The following AKAP7 variants were observed in gnomAD, a reference collection of about 807,000 sequenced individuals.
AKAP7 encodes the protein A kinase (PRKA) anchor protein 7.
Under a neutral mutation model 39.5 loss-of-function variants are expected in AKAP7, and 39 were observed. The ratio of observed to expected loss-of-function variants is 0.99; its 90% CI spans 0.76 to 1.29. The LOEUF (loss-of-function observed/expected upper bound fraction) is 1.29. Ranked by LOEUF, AKAP7 falls within the 50% of genes most tolerant of loss-of-function variation. The probability of loss-of-function intolerance (pLI) is 0.00; values close to 1 mark genes in which losing one functional copy is unlikely to be tolerated. For synonymous variants in AKAP7, 140 were observed against 139.1 expected (o/e 1.01, Z -0.05); for missense variants, 414 against 407.7 (o/e 1.02, Z -0.13).
intron 5 of AKAP7, among the ~76,000 whole-genome samples, chr6:131,172,746 A>G (rs1804194406): frequency 6.6e-6 from 1 of 152,108 alleles, no homozygotes; most frequent in Non-Finnish European, 1.5e-5. Context: ...ATCATGTAAA[A>G]CTTTGTAGAA....
intron 1 of AKAP7, among the ~76,000 whole-genome samples, chr6:131,144,290 C>G (rs140946919): frequency 0.055 from 8,363 of 152,052 alleles, 400 homozygotes; most frequent in African/African-American, 0.12. Flanking sequence ...ACCTCCCAGA[C>G]GGGGTCGTGG....
intron 5 of AKAP7, among the ~76,000 whole-genome samples, chr6:131,180,696 G>C (rs995929701): frequency 4.5e-4 from 69 of 152,252 alleles, no homozygotes; most frequent in African/African-American, 1.6e-3. Flanking sequence ...TTCACTGCAT[G>C]CCACATCGTG....
intron 7 of AKAP7, among the ~76,000 whole-genome samples, chr6:131,266,711 T>G (rs973252009): frequency 2.6e-5 from 4 of 152,012 alleles, no homozygotes; most frequent in Non-Finnish European, 4.4e-5. Context: ...TGTTGTTGTT[T>G]TTTAACGGTG....
chr6:131,283,338 T>A lies in AKAP7; in HGVS notation c.*1612T>A, dbSNP rs1172273769. 1.3e-5 allele frequency: 2 copies of A among 152,644 alleles called. No homozygotes were observed. Among genetic ancestry groups the A allele is most frequent in the African/African-American group, 4.8e-5 (2 of 41,460 alleles). 9.5% of individuals were successfully genotyped at this position (152,644 alleles called of 1,614,324 possible). ...TATGATGATTGTTGGTAACAACTTT[T>A]TCTATAGTCATTGATGGAGTAGATC... On this transcript the variant is annotated 3_prime_UTR_variant, in exon 8 of 8. Transcript: ENST00000431975.
intron 7 of AKAP7, among the ~76,000 whole-genome samples, chr6:131,260,171 A>G (rs968439007): frequency 6.6e-6 from 1 of 152,014 alleles, no homozygotes; most frequent in Non-Finnish European, 1.5e-5. Context: ...TCCATGGTGT[A>G]TATGTACCAC....
At chr6:131,223,660 G>T (rs1203892314) in intron 7 of AKAP7, among the ~76,000 whole-genome samples, 1 of 152,008 alleles carries the variant, frequency 6.6e-6, no homozygotes, top group Non-Finnish European at 1.5e-5. Context: ...ACAGATTTTG[G>T]CCAGCTTCCC....
At chr6:131,220,745 A>G (rs912001901) in intron 7 of AKAP7, among the ~76,000 whole-genome samples, 1 of 152,134 alleles carries the variant, frequency 6.6e-6, no homozygotes, top group African/African-American at 2.4e-5. Flanking sequence ...TTTTGTGTCA[A>G]TTACATTTTG....
chr6:131,278,652 G>A (rs138592078), intron 7 of AKAP7, among the ~76,000 whole-genome samples: 1 of 152,292 alleles, frequency 6.6e-6, no homozygotes, highest in African/African-American at 2.4e-5. Flanking sequence ...GCCAGAGCAG[G>A]AGGAAGGGAG....
At chr6:131,197,666 C>A (rs988265679) in intron 5 of AKAP7, among the ~76,000 whole-genome samples, 2 of 152,112 alleles carry the variant, frequency 1.3e-5, no homozygotes, top group African/African-American at 2.4e-5. Context: ...TTATTTCCAT[C>A]CAGTTAATTT....
intron 3 of AKAP7, among the ~76,000 whole-genome samples, chr6:131,163,374 C>A (rs150766541): frequency 6.9e-4 from 105 of 152,234 alleles, no homozygotes; most frequent in African/African-American, 2.4e-3. Flanking sequence ...TGTTAATTTT[C>A]TTTTTAAACT....
Position 131,211,772 on chromosome 6 carries a change from C to CAAAA in AKAP7, c.703-7871_703-7868dup, listed in dbSNP as rs202168206. On this transcript the variant is annotated intron_variant, in intron 6 of 7. Coordinates refer to ENST00000431975, the MANE Select transcript of AKAP7 (RefSeq NM_016377.4). The stretch of plus-strand genomic sequence containing the variant: ...TGGGAGACAGAGTGAGACTCCGTCT[C>CAAAA]AAAAAAAAAAAAAAAAAAAAAGAAA... Among the ~76,000 whole-genome samples, 482 of 82,842 alleles carry CAAAA rather than the reference C, an allele frequency of 5.8e-3. 17 individuals are homozygous for CAAAA. The highest frequency in any genetic ancestry group is 0.021 in the African/African-American group (414 of 19,728). The allele number at this position is 82,842 out of a possible 152,430, so 54.3% of individuals were successfully genotyped here.
intron 2 of AKAP7, among the ~76,000 whole-genome samples, chr6:131,156,989 G>A (rs1379937663): frequency 3.3e-5 from 5 of 151,818 alleles, no homozygotes; most frequent in East Asian, 3.9e-4. Flanking sequence ...GTTAGCCAGG[G>A]TGGTCTTGAT....
intron 5 of AKAP7, among the ~76,000 whole-genome samples, chr6:131,186,901 A>C (rs997551706): frequency 6.6e-6 from 1 of 152,194 alleles, no homozygotes; most frequent in Non-Finnish European, 1.5e-5. Flanking sequence ...TTTTGGAGGG[A>C]CACAAACATT....
intron 5 of AKAP7, among the ~76,000 whole-genome samples, chr6:131,172,332 A>T (rs1412014148): frequency 6.6e-6 from 1 of 152,130 alleles, no homozygotes; most frequent in East Asian, 1.9e-4. Flanking sequence ...TTTACTAGGT[A>T]TGTTTATCAT....
At chr6:131,266,793 TTGTTG>T (rs1813838154) in intron 7 of AKAP7, among the ~76,000 whole-genome samples, 1 of 152,178 alleles carries the variant, frequency 6.6e-6, no homozygotes, top group African/African-American at 2.4e-5. Context: ...TCTCTTGATT[TTGTTG>T]TAATGATTAA....
At chr6:131,241,619 G>GTATATA (rs1562238108) in intron 7 of AKAP7, among the ~76,000 whole-genome samples, 1 of 70,976 alleles carries the variant, frequency 1.4e-5, no homozygotes, top group Non-Finnish European at 3.5e-5. Context: ...GTGTGTGTGT[G>GTATATA]TGTGTGTGTA....
chr6:131,199,487 A>C lies in AKAP7; in HGVS notation c.616A>C (p.Lys206Gln), dbSNP rs572683373. 2 of 1,608,112 alleles carry C rather than the reference A, an allele frequency of 1.2e-6. No individual in the cohort carries two copies. The highest frequency in any genetic ancestry group is 2.2e-5 in the South Asian group (2 of 90,542). Residue 206 changes from lysine to glutamine, a missense_variant, in exon 6 of 8, where the codon AAA (lysine) becomes CAA (glutamine). Physicochemically the swap from Lys to Gln is moderately conservative, Grantham distance 53 (BLOSUM62 1). Transcript: ENST00000431975. ...GACTGCAAATAGGACATTTCAAGAA[A>C]AAGGCATCCTGGTAGGAGAGAGCAG... Reference protein sequence around the residue: ...AETANRTFQEKGILVGESRSF... With the variant: ...AETANRTFQEQGILVGESRSF...
intron 7 of AKAP7, among the ~76,000 whole-genome samples, chr6:131,267,048 A>T (rs1813859819): frequency 6.9e-6 from 1 of 144,994 alleles, no homozygotes. Context: ...GGTAAACCAT[A>T]TTCTACTCAC....
chr6:131,133,529 G>A (rs2128220442), upstream of AKAP7, among the ~76,000 whole-genome samples: 1 of 152,278 alleles, frequency 6.6e-6, no homozygotes, highest in East Asian at 1.9e-4. Flanking sequence ...CCACATGGTA[G>A]GTGTTGATAA....
Sources: allele counts gnomAD v4.1 joint callset (sites outside exome capture counted in the v4.1 genomes callset), GRCh38; gene constraint gnomAD v4.1.1; transcripts MANE v1.5; gene names NCBI Gene and HGNC (gene_info 2026-07-23, HGNC 2026-07-21).